Variants in INO80 observed in about 807,000 individuals in gnomAD.
INO80 encodes the protein INO80 complex ATPase subunit.
In INO80, 20 loss-of-function variants were observed where a neutral mutation model predicts 203.4. The observed-to-expected ratio is 0.10, with a 90% CI of 0.07 to 0.14. The LOEUF (loss-of-function observed/expected upper bound fraction) is 0.14, where lower values mean the gene tolerates loss of function less well. Ranked by LOEUF, INO80 falls within the 10% of genes least tolerant of loss-of-function variation. INO80 has a pLI of 1.00. For missense variants in INO80, 1,419 were observed against 1,914.4 expected, an observed-to-expected ratio of 0.74 and a Z score of 4.83; for synonymous variants, 726 against 685.2, an observed-to-expected ratio of 1.06 and a Z score of -0.93.
intron 28 of INO80, among the ~76,000 whole-genome samples, chr15:40,999,621 G>T (rs144273324): frequency 1.3e-5 from 2 of 152,198 alleles, no homozygotes; most frequent in East Asian, 3.9e-4. Context: ...TTAATATTTC[G>T]TAATTGTATT....
intron 1 of INO80, among the ~76,000 whole-genome samples, chr15:41,098,261 C>G (rs1448669543): frequency 6.6e-6 from 1 of 152,024 alleles, no homozygotes; most frequent in East Asian, 1.9e-4. Context: ...TCTAGAAAAA[C>G]CAGGAGAAAA....
chr15:41,038,447 C>T (rs1410527230), intron 24 of INO80, among the ~76,000 whole-genome samples: 2 of 152,128 alleles, frequency 1.3e-5, no homozygotes, highest in African/African-American at 4.8e-5. Context: ...ACCTCCTAAC[C>T]AGGATCTTTC....
At position 41,029,200 on chromosome 15, in the gene INO80, G is replaced by A. The variant is rs548523450; in HGVS notation, c.2908-1464C>T. 2.0e-5 allele frequency among the ~76,000 whole-genome samples: 3 copies of A among 152,314 alleles called. No homozygotes were observed. In the East Asian group the frequency reaches 5.8e-4, roughly 29 times the overall value. ...ACAGCAACCTGGATCCTCTGTAAGA[G>A]AATAATAGTTATAATACCAGTACCA... On this transcript the variant is annotated intron_variant, in intron 24 of 35. Coordinates refer to ENST00000648947, the MANE Select transcript of INO80 (RefSeq NM_017553.3).
intron 8 of INO80, 134 bp downstream of exon 8, chr15:41,080,886 T>C: frequency 1.5e-6 from 1 of 674,392 alleles, no homozygotes; most frequent in South Asian, 1.8e-5. Flanking sequence ...TTGAGAACAT[T>C]CAGAAACTCT....
chr15:41,094,891 A>G (rs1000029929), intron 4 of INO80, among the ~76,000 whole-genome samples: 1 of 152,200 alleles, frequency 6.6e-6, no homozygotes, highest in African/African-American at 2.4e-5. Context: ...AGGTATACAA[A>G]ACAGAGTTTA....
At position 41,074,641 on chromosome 15, in the gene INO80, T is replaced by C. The variant is rs781028395; in HGVS notation, c.1132-76A>G. The C allele has an allele frequency of 9.7e-5, 91 of 937,684 alleles. 1 individual carries two copies. The highest frequency in any genetic ancestry group is 1.3e-4 in the Non-Finnish European group (79 of 627,010). 58.1% of individuals were successfully genotyped at this position (937,684 alleles called of 1,614,324 possible). A position where few individuals can be genotyped will look rare whatever the true frequency, so the allele number is the denominator to read the frequency against. On this transcript the variant is annotated intron_variant, in intron 9 of 35. Coordinates refer to ENST00000648947, the MANE Select transcript of INO80 (RefSeq NM_017553.3). ...GAAGTAGTCCAGAATTCACCACTTA[T>C]ATTTGCATACAATTCCTTTACCAAC...
intron 24 of INO80, among the ~76,000 whole-genome samples, chr15:41,044,454 A>G (rs985182751): frequency 6.6e-6 from 1 of 152,242 alleles, no homozygotes; most frequent in East Asian, 1.9e-4. Flanking sequence ...TACATACAAG[A>G]TAATTCCATT....
At position 40,980,412 on chromosome 15, in the gene INO80, T is replaced by A. The variant is rs200947882; in HGVS notation, c.4482A>T (p.Thr1494=). Residue 1494 remains threonine, a synonymous_variant, in exon 36 of 36, where the codon ACA becomes ACT. Coordinates refer to ENST00000648947, the MANE Select transcript of INO80 (RefSeq NM_017553.3). ...KGISASSPLQ[T]SLVRPAGLAD... is the part of the protein sequence containing the mutation. The stretch of plus-strand genomic sequence containing the variant: ...CAAGGCCAGCAGGCCGAACAAGGGA[T>A]GTCTGCAGAGGACTGCTGGCGGAGA... 12 of 1,613,654 alleles carry A rather than the reference T, an allele frequency of 7.4e-6. No individual in the cohort carries two copies. The East Asian group carries it at 2.5e-4, about 33-fold the overall frequency.
In INO80 at chr15:41,065,925, T is replaced by C. The variant is rs185103661; in HGVS notation, c.1782+3645A>G. ...TCTGTTTGGGCTGATGAAAAAGTTA[T>C]GAAACTAGACAGCAGTGATGGTTAC... On this transcript the variant is annotated intron_variant, in intron 14 of 35. Transcript: ENST00000648947. Among the ~76,000 whole-genome samples, 409 of 151,858 alleles carry C rather than the reference T, an allele frequency of 2.7e-3. 3 individuals carry two copies. The highest frequency in any genetic ancestry group is 0.013 in the South Asian group (62 of 4,812).
chr15:41,065,908 G>A (rs2045202822), intron 14 of INO80, among the ~76,000 whole-genome samples: 1 of 152,020 alleles, frequency 6.6e-6, no homozygotes, highest in African/African-American at 2.4e-5. Flanking sequence ...CTTCTGTTTG[G>A]GCTGATGAAA....
intron 26 of INO80, among the ~76,000 whole-genome samples, chr15:41,019,257 A>G (rs537273966): frequency 1.3e-5 from 2 of 152,212 alleles, no homozygotes; most frequent in Admixed American, 1.3e-4. Context: ...AGAAAACGTA[A>G]AAGTATAAAG....
At chr15:41,060,416 T>C (rs1174572247) in intron 14 of INO80, among the ~76,000 whole-genome samples, 1 of 151,656 alleles carries the variant, frequency 6.6e-6, no homozygotes, top group African/African-American at 2.4e-5. Context: ...TGGTGAAACG[T>C]CTCTACTGAA....
Position 41,088,695 on chromosome 15 carries a change from C to T in INO80, c.538-1013G>A, listed in dbSNP as rs185314993. Among the ~76,000 whole-genome samples, 172 of 152,278 alleles carry T rather than the reference C, an allele frequency of 1.1e-3. 1 individual carries two copies. The highest frequency in any genetic ancestry group is 3.4e-3 in the Middle Eastern group (1 of 294). ...ATATAAATTAAAATTAGGTAGCCCA[C>T]TATTAAATCTCTTTCCTGGATTATA... On this transcript the variant is annotated intron_variant, in intron 5 of 35. Transcript: ENST00000648947.
At chr15:41,028,226 C>T (rs370848680) in intron 24 of INO80, among the ~76,000 whole-genome samples, 2 of 152,214 alleles carry the variant, frequency 1.3e-5, no homozygotes, top group East Asian at 3.9e-4. Context: ...ACCTCCACCT[C>T]CCAGATTCAA....
chr15:41,005,198 C>CATAAA (rs1268921972), intron 28 of INO80: 1 of 16,874 alleles, frequency 5.9e-5, no homozygotes, highest in African/African-American at 1.5e-4. Context: ...GTCTCACACA[C>CATAAA]ACAAAAAAAA....
chr15:41,052,395 C>T (rs1273925151), intron 19 of INO80, among the ~76,000 whole-genome samples: 1 of 151,818 alleles, frequency 6.6e-6, no homozygotes, highest in Non-Finnish European at 1.5e-5. Flanking sequence ...TTTTTAAGTC[C>T]AGCACGGTGG....
intron 24 of INO80, among the ~76,000 whole-genome samples, chr15:41,034,940 A>T (rs2044546511): frequency 6.6e-6 from 1 of 152,242 alleles, no homozygotes; most frequent in Non-Finnish European, 1.5e-5. Flanking sequence ...GGCAAATTAA[A>T]TGAAAATACA....
chr15:41,083,712 C>CAA (rs10706037), intron 7 of INO80, among the ~76,000 whole-genome samples: 1,135 of 85,450 alleles, frequency 0.013, 38 homozygotes, highest in African/African-American at 0.045. Context: ...GACTCCGTCT[C>CAA]AAAAAAAAAA....
chr15:41,070,010 T>C (rs978792304), intron 13 of INO80, among the ~76,000 whole-genome samples: 1 of 152,256 alleles, frequency 6.6e-6, no homozygotes, highest in African/African-American at 2.4e-5. Context: ...TTGCTTTTTT[T>C]TCAGTTTTAC....
Sources: allele counts gnomAD v4.1 joint callset (sites outside exome capture counted in the v4.1 genomes callset), GRCh38; gene constraint gnomAD v4.1.1; transcripts MANE v1.5; gene names NCBI Gene and HGNC (gene_info 2026-07-23, HGNC 2026-07-21).